C3: variants seen among roughly 807,000 people sequenced by gnomAD.
C3 encodes C3 and PZP-like alpha-2-macroglobulin domain-containing protein 1.
In C3, 97 loss-of-function variants were observed where a neutral mutation model predicts 207.9. That is an observed-to-expected ratio of 0.47 (90% confidence interval 0.40 to 0.55). C3 has a LOEUF of 0.55. Among genes scored for constraint, C3 ranks in the 20% least tolerant of loss-of-function variants. The pLI is 0.00. For synonymous variants in C3, 848 were observed against 857.6 expected (o/e 0.99, Z 0.20); for missense variants, 1,684 against 2,171.7 (o/e 0.78, Z 4.46).
Position 6,700,509 on chromosome 19 carries a change from AAT to A in C3, c.2440+1616_2440+1617del, listed in dbSNP as rs1473905511. On this transcript the variant is annotated intron_variant, in intron 19 of 40. Coordinates refer to ENST00000245907, the MANE Select transcript of C3 (RefSeq NM_000064.4). ...ATGTAATATGATATATTATATATGT[AAT>A]ATATAATATATGTAATATGATATAT... 7.0e-5 allele frequency among the ~76,000 whole-genome samples: 2 copies of A among 28,566 alleles called. 1 individual carries two copies. Among genetic ancestry groups the A allele is most frequent in the Non-Finnish European group, 1.0e-4 (2 of 20,082 alleles). 18.7% of individuals were successfully genotyped at this position (28,566 alleles called of 152,430 possible).
chr19:6,709,615 A>ACCCCCCCCCCCCC, intron 14 of C3, 69 bp downstream of exon 14: 21 of 403,590 alleles, frequency 5.2e-5, no homozygotes, highest in South Asian at 1.3e-4. Flanking sequence ...CTCCAGTCCC[A>ACCCCCCCCCCCCC]CCCACCTCCC....
rs145374290 is a variant in C3, at chr19:6,696,604, C to A, written c.2852G>T (p.Arg951Leu). ...TVAVRTLDPE[R>L]LGREGVQKED... is the part of the protein sequence containing the mutation. Reference sequence around the variant, plus strand: ...TGCAGCCGACTCACCACGGCCCAGGCGTTCTGGATCCAGGGTGCGAACAGC... The same window carrying A: ...TGCAGCCGACTCACCACGGCCCAGGAGTTCTGGATCCAGGGTGCGAACAGC... Residue 951 changes from arginine to leucine, a missense_variant, in exon 22 of 41, where the codon CGC (arginine) becomes CTC (leucine). Arg to Leu is a moderately radical substitution (Grantham distance 102). This residue lies in a region of C3 where 1,280 missense variants were observed against 1,739.1 expected (regional missense o/e 0.74). Transcript: ENST00000245907. 4 of 1,613,876 alleles carry A rather than the reference C, an allele frequency of 2.5e-6. No individual in the cohort carries two copies. The highest frequency in any genetic ancestry group is 1.3e-5 in the African/African-American group (1 of 74,890).
chr19:6,690,965 G>A (rs1298684075), intron 26 of C3, among the ~76,000 whole-genome samples: 2 of 151,954 alleles, frequency 1.3e-5, no homozygotes, highest in African/African-American at 4.8e-5. Context: ...CTGATCCATT[G>A]TAAAACCAGA....
chr19:6,707,395 C>T, intron 16 of C3, 71 bp downstream of exon 16: 1 of 1,603,158 alleles, frequency 6.2e-7, no homozygotes, highest in Admixed American at 1.7e-5. Flanking sequence ...CCCTCTCTGG[C>T]TCCTGCACGG....
chr19:6,702,289 A>G (rs1428221562), intron 18 of C3, 77 bp from the exon 19 acceptor site: 3 of 1,035,976 alleles, frequency 2.9e-6, no homozygotes, highest in Non-Finnish European at 4.5e-6. Flanking sequence ...GTGCAGAGGG[A>G]CCCCAAGGGA....
intron 13 of C3, 45 bp from the exon 14 acceptor site, chr19:6,709,887 G>A (rs369385351): frequency 4.4e-6 from 7 of 1,605,556 alleles, no homozygotes; most frequent in Non-Finnish European, 6.0e-6. Flanking sequence ...CCCTGGGAGA[G>A]AGGAGTGCCT....
intron 19 of C3, among the ~76,000 whole-genome samples, chr19:6,698,022 A>G (rs1261537856): frequency 1.4e-4 from 2 of 14,306 alleles, no homozygotes; most frequent in African/African-American, 3.7e-4. Flanking sequence ...TATTATTATT[A>G]TTATTAATTA....
chr19:6,684,946 G>A (rs1416273702), intron 30 of C3, 42 bp downstream of exon 30: 19 of 1,612,186 alleles, frequency 1.2e-5, no homozygotes, highest in Non-Finnish European at 1.6e-5. Context: ...TAGTGTAGGG[G>A]GAGACAGCCA....
Position 6,713,544 on chromosome 19 carries a change from C to T in C3, c.774-35G>A, listed in dbSNP as rs374051499. 8 of 1,509,006 alleles carry T rather than the reference C, an allele frequency of 5.3e-6. No individual in the cohort carries two copies. The African/African-American group carries it at 8.2e-5, about 16-fold the overall frequency. 93.5% of individuals were successfully genotyped at this position (1,509,006 alleles called of 1,614,324 possible). A position where few individuals can be genotyped will look rare whatever the true frequency, so the allele number is the denominator to read the frequency against. Reference sequence around the variant, plus strand: ...AGACAAGGAGGGCTTCAGGTCCATCCCTCCTGGAGAATGGGATCTCCCCCA... The same window carrying T: ...AGACAAGGAGGGCTTCAGGTCCATCTCTCCTGGAGAATGGGATCTCCCCCA... On this transcript the variant is annotated intron_variant, in intron 7 of 40. Coordinates refer to ENST00000245907, the MANE Select transcript of C3 (RefSeq NM_000064.4).
In C3 at chr19:6,714,038, A is replaced by G; in HGVS notation, c.727T>C (p.Tyr243His). 1 of 1,611,966 alleles carries G rather than the reference A, an allele frequency of 6.2e-7. No individual in the cohort carries two copies. The highest frequency in any genetic ancestry group is 8.5e-7 in the Non-Finnish European group (1 of 1,179,522). The change falls in exon 7 of 41, where the codon TAC becomes CAC. Residue 243 changes from tyrosine to histidine, a missense_variant. This residue lies in a region of C3 where 1,280 missense variants were observed against 1,739.1 expected (regional missense o/e 0.74). Transcript: ENST00000245907. ...AGGCCCTTCTCGTTATAGATGTAGT[A>G]GAATTTCTCTGTAGGCTCCACTATG... ...EVIVEPTEKF[Y>H]YIYNEKGLEV...
intron 19 of C3, among the ~76,000 whole-genome samples, chr19:6,699,582 A>G (rs753801576): frequency 6.6e-5 from 10 of 152,150 alleles, no homozygotes; most frequent in Non-Finnish European, 1.0e-4. Context: ...TACTAAAAAA[A>G]GAAAACTTAG....
chr19:6,715,628 G>T (rs2642203), intron 4 of C3, among the ~76,000 whole-genome samples: 120,981 of 143,268 alleles, frequency 0.84, 50,481 homozygotes, highest in East Asian at 0.91. Context: ...TGTTTTTTTT[G>T]TTTTTTTTTT....
At chr19:6,711,274 G>A in intron 11 of C3, 78 bp from the exon 12 acceptor site, 2 of 1,231,758 alleles carry the variant, frequency 1.6e-6, no homozygotes, top group African/African-American at 1.5e-5. Context: ...CTGGGAATTG[G>A]TGGCCTTTCT....
chr19:6,706,994 C>A, intron 17 of C3, 82 bp downstream of exon 17: 2 of 924,238 alleles, frequency 2.2e-6, no homozygotes, highest in Non-Finnish European at 3.1e-6. Context: ...CCCCACCAGA[C>A]AGGGCATCCT....
At chr19:6,706,713 A>C (rs1210706388) in intron 17 of C3, among the ~76,000 whole-genome samples, 1 of 90,128 alleles carries the variant, frequency 1.1e-5, no homozygotes, top group Admixed American at 1.3e-4. Context: ...ACCCCCTCAG[A>C]CAGGGGCATC....
chr19:6,689,356 C>CTCTCTCTCT (rs1918107969), intron 27 of C3, among the ~76,000 whole-genome samples: 1 of 47,200 alleles, frequency 2.1e-5, no homozygotes, highest in African/African-American at 1.2e-4. Context: ...TCCCTCCCTC[C>CTCTCTCTCT]CTCCCTCTCT....
At chr19:6,700,869 T>C (rs992665885) in intron 19 of C3, among the ~76,000 whole-genome samples, 10 of 147,846 alleles carry the variant, frequency 6.8e-5, no homozygotes, top group African/African-American at 2.2e-4. Flanking sequence ...AAATTTATTA[T>C]AAATTATAAT....
At chr19:6,678,546 C>T in intron 38 of C3, 91 bp from the exon 39 acceptor site, 1 of 992,406 alleles carries the variant, frequency 1.0e-6, no homozygotes, top group Admixed American at 1.9e-5. Context: ...ATGTGGCTCT[C>T]TCTCCCAAGC....
chr19:6,719,194 C>T lies in C3; in HGVS notation c.267+17G>A, dbSNP rs780530250. 14 of 1,612,056 alleles carry T rather than the reference C, an allele frequency of 8.7e-6. No homozygotes were observed. Among genetic ancestry groups the T allele is most frequent in the Middle Eastern group, 1.6e-4 (1 of 6,070 alleles). On this transcript the variant is annotated intron_variant, in intron 2 of 40. Transcript: ENST00000245907. The surrounding 1 kb of genome is among the most constrained non-coding windows in gnomAD (Gnocchi z 5.4). Reference sequence around the variant, plus strand: ...GGCTGTGGGTGTCAGCCGGGTCCTGCGCCAGTCTGCACTCACCGTGAAGGT... The same window carrying T: ...GGCTGTGGGTGTCAGCCGGGTCCTGTGCCAGTCTGCACTCACCGTGAAGGT...
Sources: allele counts gnomAD v4.1 joint callset (sites outside exome capture counted in the v4.1 genomes callset), GRCh38; gene constraint gnomAD v4.1.1; regional missense constraint gnomAD v4.1.1; non-coding constraint Gnocchi (gnomAD v3.1); transcripts MANE v1.5; gene names NCBI Gene and HGNC (gene_info 2026-07-23, HGNC 2026-07-21).